DIAPH3: variants seen among roughly 807,000 people sequenced by gnomAD.
DIAPH3 encodes the protein diaphanous related formin 3.
DIAPH3 carries 117 observed loss-of-function variants against 144.3 expected under a neutral mutation model. The ratio of observed to expected loss-of-function variants is 0.81; its 90% CI spans 0.70 to 0.95. The LOEUF is 0.95. Among genes scored for constraint, DIAPH3 ranks in the 40% least tolerant of loss-of-function variants. The pLI is 0.00. For missense variants in DIAPH3, 1,421 were observed against 1,412.7 expected (o/e 1.01, Z -0.09); for synonymous variants, 519 against 488.9 (o/e 1.06, Z -0.81).
chr13:59,697,327 G>A (rs2033858914), intron 27 of DIAPH3, among the ~76,000 whole-genome samples: 1 of 151,604 alleles, frequency 6.6e-6, no homozygotes, highest in South Asian at 2.1e-4. Flanking sequence ...GGGCGTGGTG[G>A]CAGGCGCCTG....
intron 27 of DIAPH3, among the ~76,000 whole-genome samples, chr13:59,692,728 T>C (rs1167132654): frequency 6.6e-6 from 1 of 152,118 alleles, no homozygotes; most frequent in African/African-American, 2.4e-5. Context: ...CTATTAGGCC[T>C]CTGAAAATTC....
chr13:59,717,731 C>A (rs73544308), intron 27 of DIAPH3, among the ~76,000 whole-genome samples: 250 of 151,520 alleles, frequency 1.6e-3, no homozygotes, highest in African/African-American at 5.8e-3. Flanking sequence ...AGGTGGCAAC[C>A]AAGAAAATTA....
intron 17 of DIAPH3, among the ~76,000 whole-genome samples, chr13:59,961,914 T>C (rs1030397360): frequency 6.6e-6 from 1 of 152,198 alleles, no homozygotes; most frequent in African/African-American, 2.4e-5. Flanking sequence ...ATCTAATTAA[T>C]GAGTTTCATA....
At chr13:60,024,576 A>ATAAT (rs1446896610) in intron 5 of DIAPH3, among the ~76,000 whole-genome samples, 1 of 152,150 alleles carries the variant, frequency 6.6e-6, no homozygotes, top group Non-Finnish European at 1.5e-5. Context: ...TTCTTGTCAG[A>ATAAT]TAATTCTACC....
chr13:60,023,147 A>C (rs2054139264), intron 5 of DIAPH3, among the ~76,000 whole-genome samples: 1 of 152,182 alleles, frequency 6.6e-6, no homozygotes, highest in African/African-American at 2.4e-5. Context: ...TTTGTGGTAA[A>C]ATTCTCCAGT....
intron 27 of DIAPH3, among the ~76,000 whole-genome samples, chr13:59,741,630 T>C (rs1361185305): frequency 6.6e-6 from 1 of 151,210 alleles, no homozygotes; most frequent in African/African-American, 2.4e-5. Flanking sequence ...GGTGGAAGGA[T>C]TGCTTGAGCC....
chr13:59,689,761 G>T (rs1408034782), intron 27 of DIAPH3, among the ~76,000 whole-genome samples: 1 of 149,710 alleles, frequency 6.7e-6, no homozygotes, highest in East Asian at 2.0e-4. Flanking sequence ...GACAGATTTG[G>T]CAGATTAAGA....
chr13:59,723,035 T>C (rs1001838276), intron 27 of DIAPH3, among the ~76,000 whole-genome samples: 2 of 152,196 alleles, frequency 1.3e-5, no homozygotes, highest in Non-Finnish European at 2.9e-5. Context: ...TTGGTAGTGA[T>C]GAGGAAGAGG....
At chr13:59,905,473 T>C (rs1347026344) in intron 20 of DIAPH3, among the ~76,000 whole-genome samples, 1 of 151,926 alleles carries the variant, frequency 6.6e-6, no homozygotes, top group Non-Finnish European at 1.5e-5. Context: ...GATTGTGAGA[T>C]GATTTACATC....
At chr13:60,135,846 T>TA (rs1337671403) in intron 1 of DIAPH3, among the ~76,000 whole-genome samples, 1 of 152,212 alleles carries the variant, frequency 6.6e-6, no homozygotes, top group Non-Finnish European at 1.5e-5. Context: ...TAATTTCCCT[T>TA]AAAAACTGGA....
chr13:59,687,183 T>C (rs1414728951), intron 27 of DIAPH3, among the ~76,000 whole-genome samples: 1 of 152,090 alleles, frequency 6.6e-6, no homozygotes, highest in Admixed American at 6.6e-5. Context: ...TAGGAAAACA[T>C]TTATGGTAAT....
Position 59,879,311 on chromosome 13 carries a change from A to G in DIAPH3, c.2525T>C (p.Leu842Pro). ...CATGTAGTTTCCCATTAGCAATACA[A>G]GTTCCAGCAACTTGCTAAAGCTTTT... The part of the protein sequence containing the change: ...KSKSFSKLLE[L>P]VLLMGNYMNA... Residue 842 changes from leucine to proline, a missense_variant, in exon 21 of 28, where the codon CTT becomes CCT. Leu to Pro is a moderately conservative substitution (Grantham distance 98, BLOSUM62 -3). Transcript: ENST00000400324. 1 of 1,613,872 alleles carries G rather than the reference A, an allele frequency of 6.2e-7. No individual in the cohort carries two copies. The highest frequency in any genetic ancestry group is 8.5e-7 in the Non-Finnish European group (1 of 1,179,834).
At chr13:60,161,185 C>T (rs1952272814) in intron 1 of DIAPH3, among the ~76,000 whole-genome samples, 1 of 152,188 alleles carries the variant, frequency 6.6e-6, no homozygotes, top group Non-Finnish European at 1.5e-5. Flanking sequence ...AAAACAGCTG[C>T]CCCAGGCTCA....
intron 9 of DIAPH3, among the ~76,000 whole-genome samples, chr13:60,007,883 C>G (rs1480267451): frequency 6.6e-6 from 1 of 152,094 alleles, no homozygotes; most frequent in Non-Finnish European, 1.5e-5. Flanking sequence ...CAATGAAAAG[C>G]CCTAATCGAC....
At chr13:59,966,707 T>C (rs1412981955) in intron 17 of DIAPH3, among the ~76,000 whole-genome samples, 1 of 152,216 alleles carries the variant, frequency 6.6e-6, no homozygotes, top group African/African-American at 2.4e-5. Context: ...TCAGTTCCTT[T>C]GTTCTTACTA....
intron 25 of DIAPH3, among the ~76,000 whole-genome samples, chr13:59,803,718 C>T (rs888948970): frequency 6.6e-6 from 1 of 152,174 alleles, no homozygotes; most frequent in African/African-American, 2.4e-5. Flanking sequence ...GGAGAAGACG[C>T]AAATTAGTGC....
At chr13:60,159,613 G>C in intron 1 of DIAPH3, among the ~76,000 whole-genome samples, 1 of 148,798 alleles carries the variant, frequency 6.7e-6, no homozygotes, top group South Asian at 2.1e-4. Flanking sequence ...AACAGAATGA[G>C]ACTTTGTCTC....
chr13:60,066,845 T>C (rs536782661), intron 4 of DIAPH3, among the ~76,000 whole-genome samples: 96 of 152,348 alleles, frequency 6.3e-4, no homozygotes, highest in African/African-American at 2.3e-3. Flanking sequence ...TGCTCAATCA[T>C]CAATCTGATT....
At chr13:59,756,007 A>T (rs1170914094) in intron 27 of DIAPH3, among the ~76,000 whole-genome samples, 1 of 152,204 alleles carries the variant, frequency 6.6e-6, no homozygotes, top group Non-Finnish European at 1.5e-5. Context: ...CAAAACAGAT[A>T]AAGGTGATCC....
Sources: gnomAD v4.1 joint callset for allele counts (sites outside exome capture counted in the v4.1 genomes callset) on GRCh38, gnomAD v4.1.1 for gene constraint, MANE v1.5 for transcripts, NCBI Gene and HGNC (gene_info 2026-07-23, HGNC 2026-07-21) for gene names.